Variants in NBEA observed in about 807,000 individuals in gnomAD.
NBEA encodes neurobeachin, also known as lysosomal-trafficking regulator 2.
Under a neutral mutation model 343.4 loss-of-function variants are expected in NBEA, and 44 were observed. The observed-to-expected ratio is 0.13, with a 90% CI of 0.10 to 0.16. The LOEUF is 0.16. Ranked by LOEUF, NBEA falls within the 10% of genes least tolerant of loss-of-function variation. The pLI, the probability that NBEA is intolerant of heterozygous loss-of-function variation, is 1.00. For synonymous variants in NBEA, 1,175 were observed against 1,238.7 expected (o/e 0.95, Z 1.08); for missense variants, 2,555 against 3,631.3 (o/e 0.70, Z 7.62).
intron 8 of NBEA, among the ~76,000 whole-genome samples, chr13:35,063,218 C>T (rs2063527009): frequency 6.6e-6 from 1 of 151,978 alleles, no homozygotes; most frequent in Admixed American, 6.6e-5. Context: ...AGCAGTTGGG[C>T]ACTGTTCTAG....
chr13:35,097,242 T>G (rs1161361958), intron 10 of NBEA, among the ~76,000 whole-genome samples: 1 of 151,850 alleles, frequency 6.6e-6, no homozygotes, highest in African/African-American at 2.4e-5. Flanking sequence ...AACTTCAGAT[T>G]CCTTTTGGGC....
chr13:35,603,054 G>A (rs754191445), intron 47 of NBEA, among the ~76,000 whole-genome samples: 1 of 152,120 alleles, frequency 6.6e-6, no homozygotes, highest in Non-Finnish European at 1.5e-5. Flanking sequence ...ACTTGAATAA[G>A]CAAGATAACA....
intron 11 of NBEA, among the ~76,000 whole-genome samples, chr13:35,107,169 T>G: frequency 6.6e-6 from 1 of 151,980 alleles, no homozygotes; most frequent in East Asian, 1.9e-4. Flanking sequence ...TTATTTTAAT[T>G]TCATCCCTTT....
intron 58 of NBEA, among the ~76,000 whole-genome samples, chr13:35,669,363 A>G (rs1481727551): frequency 1.3e-5 from 2 of 152,248 alleles, no homozygotes; most frequent in Non-Finnish European, 2.9e-5. Flanking sequence ...TCCCAACTAC[A>G]TGTAATATTC....
In NBEA at chr13:35,349,104, T is replaced by G. The variant is rs2040039999; in HGVS notation, c.5904-4T>G. On this transcript the variant is annotated splice_polypyrimidine_tract_variant and splice_region_variant and intron_variant, in intron 36 of 58. Coordinates refer to ENST00000379939, the MANE Select transcript of NBEA (RefSeq NM_001385012.1). ...AATATTTCTAAAGGTATTTTTCTTTTTAGATTACTGTGCCATGCTATGAAG... is the reference window on the plus strand; with the variant it reads ...AATATTTCTAAAGGTATTTTTCTTTGTAGATTACTGTGCCATGCTATGAAG... The G allele has an allele frequency of 6.6e-7, 1 of 1,510,514 alleles. No individual in the cohort carries two copies. Among genetic ancestry groups the G allele is most frequent in the African/African-American group, 1.4e-5 (1 of 71,526 alleles). 93.6% of individuals were successfully genotyped at this position (1,510,514 alleles called of 1,614,324 possible).
At chr13:35,263,277 G>T (rs757805124) in intron 34 of NBEA, among the ~76,000 whole-genome samples, 2 of 152,184 alleles carry the variant, frequency 1.3e-5, no homozygotes, top group Non-Finnish European at 2.9e-5. Flanking sequence ...AAAGAATGTA[G>T]CTGGACCCTT....
chr13:35,239,654 A>G (rs2029880073), intron 34 of NBEA, among the ~76,000 whole-genome samples: 1 of 152,116 alleles, frequency 6.6e-6, no homozygotes, highest in South Asian at 2.1e-4. Flanking sequence ...ATGCATACAT[A>G]TGCATGTACA....
At chr13:35,075,753 C>T (rs556594186) in intron 10 of NBEA, among the ~76,000 whole-genome samples, 8 of 151,848 alleles carry the variant, frequency 5.3e-5, no homozygotes, top group Non-Finnish European at 1.2e-4. Context: ...TTAAGCAGCC[C>T]CTTAATAATT....
chr13:35,152,728 G>A (rs906823806), intron 18 of NBEA, among the ~76,000 whole-genome samples: 2 of 152,036 alleles, frequency 1.3e-5, no homozygotes, highest in African/African-American at 4.8e-5. Flanking sequence ...CCTCCCTGTC[G>A]ATTACCTGTA....
chr13:35,103,516 CT>C (rs1488126691), intron 11 of NBEA, among the ~76,000 whole-genome samples: 2 of 151,400 alleles, frequency 1.3e-5, no homozygotes, highest in Non-Finnish European at 3.0e-5. Flanking sequence ...AAGCGTTTCA[CT>C]TTTCCATCTA....
At chr13:35,471,383 T>C (rs1466815620) in intron 40 of NBEA, among the ~76,000 whole-genome samples, 3 of 152,168 alleles carry the variant, frequency 2.0e-5, no homozygotes, top group Non-Finnish European at 4.4e-5. Context: ...CGACTGTTAT[T>C]GTGACGCATC....
chr13:35,247,085 G>C (rs1463596077), intron 34 of NBEA, among the ~76,000 whole-genome samples: 1 of 152,102 alleles, frequency 6.6e-6, no homozygotes, highest in Non-Finnish European at 1.5e-5. Flanking sequence ...AGCAGTTACA[G>C]GACTCACCCA....
chr13:35,566,227 G>C (rs1295541759), intron 44 of NBEA, among the ~76,000 whole-genome samples: 1 of 152,102 alleles, frequency 6.6e-6, no homozygotes, highest in Non-Finnish European at 1.5e-5. Flanking sequence ...CAGGTGCGGT[G>C]GCGCGTGCCT....
chr13:35,041,251 T>C (rs1750157879), intron 2 of NBEA, 87 bp downstream of exon 2: 3 of 1,042,948 alleles, frequency 2.9e-6, no homozygotes. Flanking sequence ...TAATGTAGAT[T>C]TGTTGACATT....
At position 35,173,446 on chromosome 13, in the gene NBEA, T is replaced by G. The variant is rs757725055; in HGVS notation, c.4424-18T>G. On this transcript the variant is annotated intron_variant, in intron 26 of 58. Transcript: ENST00000379939. ...TCAACAATTTATATTAACAATATGTTTTTGAATTTTTAAATAGTTTGTTGT... is the reference window on the plus strand; with the variant it reads ...TCAACAATTTATATTAACAATATGTGTTTGAATTTTTAAATAGTTTGTTGT... 6.4e-7 allele frequency: 1 copy of G among 1,566,876 alleles called. No individual in the cohort carries two copies. The highest frequency in any genetic ancestry group is 8.7e-7 in the Non-Finnish European group (1 of 1,153,564).
intron 1 of NBEA, among the ~76,000 whole-genome samples, chr13:34,987,791 T>G (rs1216289575): frequency 6.6e-6 from 1 of 151,260 alleles, no homozygotes; most frequent in Non-Finnish European, 1.5e-5. Context: ...AAATAGGCTA[T>G]TGAAGCTTGT....
In NBEA at chr13:35,246,477, C is replaced by T. The variant is rs1228744490; in HGVS notation, c.5776+13858C>T. Among the ~76,000 whole-genome samples, 3 of 152,184 alleles carry T rather than the reference C, an allele frequency of 2.0e-5. No individual in the cohort carries two copies. In the East Asian group the frequency reaches 5.8e-4, roughly 29 times the overall value. ...TCAGATTCTTTTGTTCCACGCGGTG[C>T]TCCCTTGATGTCATATTCTTCCCCT... On this transcript the variant is annotated intron_variant, in intron 34 of 58. Transcript: ENST00000379939.
chr13:35,434,877 A>C (rs868531990), intron 39 of NBEA, among the ~76,000 whole-genome samples: 9 of 152,212 alleles, frequency 5.9e-5, no homozygotes, highest in South Asian at 2.1e-4. Flanking sequence ...ATTACAAAGC[A>C]CTTAATCCAG....
At chr13:34,968,415 A>G (rs762872399) in intron 1 of NBEA, among the ~76,000 whole-genome samples, 1 of 152,154 alleles carries the variant, frequency 6.6e-6, no homozygotes, top group African/African-American at 2.4e-5. Context: ...GCTTGTTAGC[A>G]TGAGCTCAGC....
Sources: allele counts gnomAD v4.1 joint callset (sites outside exome capture counted in the v4.1 genomes callset), GRCh38; gene constraint gnomAD v4.1.1; transcripts MANE v1.5; gene names NCBI Gene and HGNC (gene_info 2026-07-23, HGNC 2026-07-21).